Variants in ATP13A5 observed in about 807,000 individuals in gnomAD.
The protein encoded by ATP13A5 is probable cation-transporting ATPase 13A5.
ATP13A5 carries 149 observed loss-of-function variants against 150.2 expected under a neutral mutation model. The observed-to-expected ratio is 0.99, with a 90% CI of 0.87 to 1.14. The LOEUF (loss-of-function observed/expected upper bound fraction) is 1.14, where lower values mean the gene tolerates loss of function less well. Ranked by LOEUF, ATP13A5 falls within the 50% of genes most tolerant of loss-of-function variation. ATP13A5 has a pLI of 0.00. For missense variants in ATP13A5, 1,383 were observed against 1,449.3 expected, an observed-to-expected ratio of 0.95 and a Z score of 0.74; for synonymous variants, 497 against 522.2, an observed-to-expected ratio of 0.95 and a Z score of 0.66.
At chr3:193,278,571 G>A (rs148052342) in intron 28 of ATP13A5, among the ~76,000 whole-genome samples, 249 of 152,222 alleles carry the variant, frequency 1.6e-3, no homozygotes, top group Non-Finnish European at 2.5e-3. Context: ...TCCTCTCTGC[G>A]TCTTAGGCTG....
At chr3:193,354,421 A>C (rs1468234229) in intron 5 of ATP13A5, among the ~76,000 whole-genome samples, 7 of 152,180 alleles carry the variant, frequency 4.6e-5, no homozygotes, top group Admixed American at 3.9e-4. Context: ...ATATATCTTA[A>C]ATGTAGTACA....
chr3:193,376,232 A>T (rs578238950), intron 1 of ATP13A5, among the ~76,000 whole-genome samples: 1 of 152,228 alleles, frequency 6.6e-6, no homozygotes, highest in Non-Finnish European at 1.5e-5. Flanking sequence ...ATTTAAAAAC[A>T]TCTATTTCTA....
chr3:193,317,308 C>T (rs1377669767), intron 17 of ATP13A5, among the ~76,000 whole-genome samples: 1 of 152,148 alleles, frequency 6.6e-6, no homozygotes, highest in African/African-American at 2.4e-5. Flanking sequence ...TTTATATTTT[C>T]CCCCTCAGGT....
At chr3:193,283,958 A>T (rs939535176) in intron 27 of ATP13A5, among the ~76,000 whole-genome samples, 5 of 150,798 alleles carry the variant, frequency 3.3e-5, no homozygotes, top group African/African-American at 1.2e-4. Flanking sequence ...AGAGTGTCCC[A>T]GTCTGATCAG....
intron 1 of ATP13A5, among the ~76,000 whole-genome samples, chr3:193,370,381 A>G (rs1713397882): frequency 6.6e-6 from 1 of 152,046 alleles, no homozygotes; most frequent in African/African-American, 2.4e-5. Flanking sequence ...TCCACTATTT[A>G]CCAGCTGTGA....
chr3:193,329,292 A>G (rs995002138), intron 12 of ATP13A5, among the ~76,000 whole-genome samples: 11 of 152,002 alleles, frequency 7.2e-5, no homozygotes, highest in Admixed American at 4.6e-4. Context: ...ATTCTGGGTC[A>G]GATTTCTCAT....
rs528129794 is a variant in ATP13A5 at position 193,321,766 on chromosome 3, G to A, written c.1830C>T (p.Ile610=). 32 of 1,614,166 alleles carry A rather than the reference G, an allele frequency of 2.0e-5. No homozygotes were observed. The highest frequency in any genetic ancestry group is 2.0e-4 in the South Asian group (18 of 91,076). ...FSSSLQRMSV[I]AQLAGENHFH... ...AATGATTCTCCCCAGCTAGCTGAGC[G>A]ATCACGGACATCCTCTGCAGGCTCG... Residue 610 remains isoleucine, a synonymous_variant, in exon 16 of 30, where the codon ATC becomes ATT. Transcript: ENST00000342358.
At chr3:193,375,789 C>T (rs1311223352) in intron 1 of ATP13A5, among the ~76,000 whole-genome samples, 1 of 152,114 alleles carries the variant, frequency 6.6e-6, no homozygotes, top group Non-Finnish European at 1.5e-5. Flanking sequence ...CAGTGCAAGG[C>T]TTTATCTCCA....
At chr3:193,317,414 T>C (rs1026355765) in intron 17 of ATP13A5, among the ~76,000 whole-genome samples, 6 of 152,224 alleles carry the variant, frequency 3.9e-5, no homozygotes, top group African/African-American at 1.4e-4. Flanking sequence ...GATTTTATTT[T>C]ATTCACTTCC....
intron 12 of ATP13A5, among the ~76,000 whole-genome samples, chr3:193,328,060 C>T (rs1719530901): frequency 6.6e-6 from 1 of 152,184 alleles, no homozygotes; most frequent in South Asian, 2.1e-4. Flanking sequence ...AAAGTGTTTA[C>T]AATGCTTTCC....
At chr3:193,283,010 AGTG>A (rs1340930653) in intron 27 of ATP13A5, among the ~76,000 whole-genome samples, 5 of 152,220 alleles carry the variant, frequency 3.3e-5, no homozygotes, top group Non-Finnish European at 7.3e-5. Context: ...TTTAAAGTAT[AGTG>A]GTAAATCAAG....
chr3:193,331,147 T>G lies in ATP13A5; in HGVS notation c.1437A>C (p.Gln479His). The G allele has an allele frequency of 1.2e-6, 2 of 1,614,010 alleles. No individual in the cohort carries two copies. Residue 479 changes from glutamine to histidine, a missense_variant, in exon 12 of 30, where the codon CAA (glutamine) becomes CAC (histidine). This residue lies in a region of ATP13A5 where 787 missense variants were observed against 771.9 expected (regional missense o/e 1.02). Transcript: ENST00000342358. ...ISPQRINMCG[Q>H]INLVCFDKTG... is the part of the protein sequence containing the mutation. ...CTTTGTCAAAGCACACGAGGTTTAT[T>G]TGCCCACACATGTTGATTCTCTGTG...
chr3:193,295,073 A>G (rs531647572), intron 25 of ATP13A5, among the ~76,000 whole-genome samples: 1 of 152,198 alleles, frequency 6.6e-6, no homozygotes, highest in African/African-American at 2.4e-5. Context: ...GACATCTGTA[A>G]TTTTACATTG....
chr3:193,304,053 G>A (rs1718515879), intron 23 of ATP13A5, among the ~76,000 whole-genome samples: 1 of 152,042 alleles, frequency 6.6e-6, no homozygotes, highest in Non-Finnish European at 1.5e-5. Flanking sequence ...AGGGTTCTGA[G>A]TACTATCATC....
intron 13 of ATP13A5, among the ~76,000 whole-genome samples, chr3:193,326,569 C>T (rs1302722809): frequency 3.9e-5 from 6 of 152,180 alleles, no homozygotes; most frequent in Non-Finnish European, 8.8e-5. Context: ...TCCATTCTGA[C>T]ATTTCTGCCT....
At chr3:193,279,298 G>A in intron 28 of ATP13A5, 68 bp downstream of exon 28, 4 of 1,245,648 alleles carry the variant, frequency 3.2e-6, no homozygotes, top group Admixed American at 3.6e-5. Context: ...TAATTGACTT[G>A]TGAATTACAA....
chr3:193,348,814 T>A (rs1174658781), intron 7 of ATP13A5, among the ~76,000 whole-genome samples: 1 of 152,170 alleles, frequency 6.6e-6, no homozygotes, highest in African/African-American at 2.4e-5. Flanking sequence ...CCCCAAATCT[T>A]ACTGCTGCAA....
intron 25 of ATP13A5, among the ~76,000 whole-genome samples, chr3:193,297,655 G>A (rs1233577584): frequency 6.6e-6 from 1 of 151,848 alleles, no homozygotes; most frequent in Non-Finnish European, 1.5e-5. Context: ...TGGTAATAAC[G>A]GTCCCACTGT....
chr3:193,328,109 G>GGCAGGTTAGAC (rs1719533103), intron 12 of ATP13A5, among the ~76,000 whole-genome samples: 1 of 152,220 alleles, frequency 6.6e-6, no homozygotes, highest in African/African-American at 2.4e-5. Flanking sequence ...GCAGGTTAGA[G>GGCAGGTTAGAC]GTGAAATGAG....
Sources: gnomAD v4.1 joint callset for allele counts (sites outside exome capture counted in the v4.1 genomes callset) on GRCh38, gnomAD v4.1.1 for gene constraint, gnomAD v4.1.1 regional missense constraint, MANE v1.5 for transcripts, NCBI Gene and HGNC (gene_info 2026-07-23, HGNC 2026-07-21) for gene names.